The following KDM6A variants were observed in gnomAD, a reference collection of about 807,000 sequenced individuals.
The protein encoded by KDM6A is lysine demethylase 6A, also known as lysine-specific demethylase 6A.
In KDM6A, 11 loss-of-function variants were observed where a neutral mutation model predicts 117.6. The ratio of observed to expected loss-of-function variants is 0.09; its 90% CI spans 0.06 to 0.15. KDM6A has a LOEUF of 0.15. Ranked by LOEUF, KDM6A falls within the 10% of genes least tolerant of loss-of-function variation. The probability of loss-of-function intolerance (pLI) is 1.00; values close to 1 mark genes in which losing one functional copy is unlikely to be tolerated. For synonymous variants in KDM6A, 384 were observed against 396.1 expected, an observed-to-expected ratio of 0.97 and a Z score of 0.36; for missense variants, 799 against 1,077.3, an observed-to-expected ratio of 0.74 and a Z score of 3.62.
Position 45,020,607 on chromosome X carries a change from C to G in KDM6A, c.444-3C>G, listed in dbSNP as rs2147664490. On this transcript the variant is annotated splice_polypyrimidine_tract_variant and splice_region_variant and intron_variant, in intron 5 of 29. Coordinates refer to ENST00000611820, the MANE Select transcript of KDM6A (RefSeq NM_001291415.2). ...AAGATATCTTATGTCTATATTCTTT[C>G]AGGGCAATTAAAGCATTTCAGGAGG... 8.3e-7 allele frequency: 1 copy of G among 1,208,379 alleles called. No homozygotes were observed. The highest frequency in any genetic ancestry group is 1.1e-6 in the Non-Finnish European group (1 of 892,821).
At chrX:44,962,076 C>A (rs1272483589) in intron 3 of KDM6A, among the ~76,000 whole-genome samples, 1 of 111,535 alleles carries the variant, frequency 9.0e-6, no homozygotes, top group African/African-American at 3.3e-5. Context: ...ACATTTTAAC[C>A]TTTTGATGAT....
intron 2 of KDM6A, among the ~76,000 whole-genome samples, chrX:44,950,377 T>C (rs969114223): frequency 8.0e-5 from 9 of 111,959 alleles, no homozygotes; most frequent in Non-Finnish European, 1.7e-4. Context: ...TTATCTCTCA[T>C]ACTGTCCTTG....
At chrX:45,106,369 G>A (rs993268303) in intron 27 of KDM6A, among the ~76,000 whole-genome samples, 4 of 111,294 alleles carry the variant, frequency 3.6e-5, no homozygotes, top group African/African-American at 9.8e-5. Flanking sequence ...ATAAAATAAG[G>A]TATATTAAAT....
At chrX:44,896,991 A>T (rs995305860) in intron 2 of KDM6A, among the ~76,000 whole-genome samples, 32 of 109,922 alleles carry the variant, frequency 2.9e-4, no homozygotes, top group African/African-American at 1.1e-3. Flanking sequence ...ACCTTTTTGT[A>T]TCTTTAGCGT....
intron 5 of KDM6A, among the ~76,000 whole-genome samples, chrX:45,013,601 A>G (rs1417017254): frequency 8.9e-6 from 1 of 111,999 alleles, no homozygotes; most frequent in East Asian, 2.8e-4. Flanking sequence ...TGATATAAGG[A>G]CAATGCAATG....
intron 2 of KDM6A, among the ~76,000 whole-genome samples, chrX:44,935,170 A>C (rs778574288): frequency 8.9e-6 from 1 of 111,876 alleles, no homozygotes; most frequent in Admixed American, 9.5e-5. Flanking sequence ...GTGAATGCAT[A>C]CATATGTACA....
At chrX:45,029,292 C>T (rs776586612) in intron 6 of KDM6A, among the ~76,000 whole-genome samples, 9 of 110,303 alleles carry the variant, frequency 8.2e-5, no homozygotes, top group African/African-American at 2.6e-4. Flanking sequence ...AAAAATAAGC[C>T]GGCATGGTGG....
chrX:44,873,523 C>T lies in KDM6A; in HGVS notation c.-29C>T, dbSNP rs758090699. The T allele has an allele frequency of 1.7e-6, 2 of 1,209,158 alleles. No homozygotes were observed. Among genetic ancestry groups the T allele is most frequent in the Non-Finnish European group, 2.2e-6 (2 of 894,757 alleles). On this transcript the variant is annotated 5_prime_UTR_variant, in exon 1 of 30. Coordinates refer to ENST00000611820, the MANE Select transcript of KDM6A (RefSeq NM_001291415.2). ...GCCCCGGTCCGAGGGGGGGTGTCGG[C>T]GTTGGAGTTGTGAATTCGCTGCGTT...
chrX:44,994,398 A>G (rs376858129), intron 4 of KDM6A, among the ~76,000 whole-genome samples: 5 of 111,817 alleles, frequency 4.5e-5, no homozygotes, highest in South Asian at 7.5e-4. Flanking sequence ...GCTTAACACA[A>G]GGTCCTCCAG....
chrX:44,895,474 T>TA (rs1491154039), intron 2 of KDM6A, among the ~76,000 whole-genome samples: 15 of 99,009 alleles, frequency 1.5e-4, no homozygotes, highest in East Asian at 9.0e-4. Context: ...TTTTTTTTTT[T>TA]ATTCTGCTGT....
At chrX:45,032,427 C>T (rs745496200) in intron 6 of KDM6A, among the ~76,000 whole-genome samples, 3 of 112,026 alleles carry the variant, frequency 2.7e-5, no homozygotes, top group East Asian at 5.6e-4. Context: ...GAGTGCTGAA[C>T]GGCATATCAG....
At chrX:44,905,944 A>T (rs1453135688) in intron 2 of KDM6A, among the ~76,000 whole-genome samples, 1 of 111,780 alleles carries the variant, frequency 8.9e-6, no homozygotes, top group Non-Finnish European at 1.9e-5. Context: ...TGTGGCTATA[A>T]TTTTTTTTCC....
At chrX:44,962,702 A>G (rs1401762121) in intron 3 of KDM6A, among the ~76,000 whole-genome samples, 4 of 110,572 alleles carry the variant, frequency 3.6e-5, no homozygotes, top group African/African-American at 6.9e-5. Flanking sequence ...TTCCTATTAC[A>G]TATAAAAGTT....
intron 2 of KDM6A, among the ~76,000 whole-genome samples, chrX:44,909,599 C>G (rs866352722): frequency 9.9e-5 from 11 of 111,459 alleles, no homozygotes; most frequent in African/African-American, 3.3e-4. Flanking sequence ...TTTCAAAATA[C>G]TAATACCGTA....
chrX:44,910,002 C>G (rs1397107075), intron 2 of KDM6A, among the ~76,000 whole-genome samples: 1 of 111,455 alleles, frequency 9.0e-6, no homozygotes, highest in Non-Finnish European at 1.9e-5. Flanking sequence ...TTAAATTACA[C>G]TTAATTTAAC....
intron 2 of KDM6A, among the ~76,000 whole-genome samples, chrX:44,935,235 C>T (rs1183999708): frequency 1.8e-5 from 2 of 111,048 alleles, no homozygotes; most frequent in Admixed American, 9.6e-5. Context: ...TAAAGAAATC[C>T]GAAAATTGGT....
chrX:44,915,026 T>C (rs1440095021), intron 2 of KDM6A, among the ~76,000 whole-genome samples: 2 of 111,664 alleles, frequency 1.8e-5, no homozygotes, highest in Non-Finnish European at 3.8e-5. Context: ...GCTAGGCTTT[T>C]CTAGAATCTA....
intron 27 of KDM6A, among the ~76,000 whole-genome samples, chrX:45,096,938 A>G (rs1469018402): frequency 8.9e-6 from 1 of 112,087 alleles, no homozygotes; most frequent in African/African-American, 3.2e-5. Context: ...ACTATTCACA[A>G]TAGCAAAGAC....
At chrX:44,945,480 G>A (rs1402900864) in intron 2 of KDM6A, among the ~76,000 whole-genome samples, 1 of 110,802 alleles carries the variant, frequency 9.0e-6, no homozygotes, top group Non-Finnish European at 1.9e-5. Context: ...GCCTTATAGA[G>A]TGGATGATTG....
Sources: gnomAD v4.1 joint callset for allele counts (sites outside exome capture counted in the v4.1 genomes callset) on GRCh38, gnomAD v4.1.1 for gene constraint, MANE v1.5 for transcripts, NCBI Gene and HGNC (gene_info 2026-07-23, HGNC 2026-07-21) for gene names.